TAFA5: variants seen among roughly 807,000 people sequenced by gnomAD.
The protein encoded by TAFA5 is TAFA chemokine like family member 5.
A neutral mutation model predicts 15.3 loss-of-function variants in TAFA5; 6 were observed. That is an observed-to-expected ratio of 0.39 (90% confidence interval 0.21 to 0.77). The LOEUF is 0.77. TAFA5 is among the 30% of genes least tolerant of loss of function. The pLI is 0.41. For missense variants in TAFA5, 161 were observed against 193.1 expected, an observed-to-expected ratio of 0.83 and a Z score of 0.98; for synonymous variants, 103 against 80.7, an observed-to-expected ratio of 1.28 and a Z score of -1.48.
chr22:48,734,605 C>A (rs767383833), intron 3 of TAFA5, among the ~76,000 whole-genome samples: 1 of 152,256 alleles, frequency 6.6e-6, no homozygotes. Context: ...ACCACTGTGA[C>A]CTGCCTCAGG....
intron 1 of TAFA5, among the ~76,000 whole-genome samples, chr22:48,520,976 C>T (rs144601805): frequency 1.3e-5 from 2 of 152,276 alleles, no homozygotes; most frequent in East Asian, 3.9e-4. Flanking sequence ...CTGGAAAAGC[C>T]CAGGTGGCTG....
chr22:48,697,340 GTGATGA>G (rs886418731), intron 2 of TAFA5, among the ~76,000 whole-genome samples: 1 of 147,854 alleles, frequency 6.8e-6, no homozygotes, highest in Non-Finnish European at 1.5e-5. Flanking sequence ...GGTGACAGTG[GTGATGA>G]TGATGATGAT....
At chr22:48,562,885 G>A (rs781169994) in intron 1 of TAFA5, among the ~76,000 whole-genome samples, 1 of 152,168 alleles carries the variant, frequency 6.6e-6, no homozygotes, top group Non-Finnish European at 1.5e-5. Context: ...TTGACAGCTC[G>A]GAGACCCTCT....
chr22:48,597,378 G>A (rs778163907), intron 1 of TAFA5, among the ~76,000 whole-genome samples: 26 of 144,028 alleles, frequency 1.8e-4, no homozygotes, highest in Admixed American at 1.3e-3. Context: ...CACCTGGCCC[G>A]CATCACCTGG....
chr22:48,681,490 C>CAAAAAA (rs33981971), intron 2 of TAFA5, among the ~76,000 whole-genome samples: 3 of 134,686 alleles, frequency 2.2e-5, no homozygotes, highest in Admixed American at 7.5e-5. Context: ...TAAAAAAATA[C>CAAAAAA]AAAAAAAAAA....
intron 1 of TAFA5, among the ~76,000 whole-genome samples, chr22:48,553,711 GCT>G (rs1285386560): frequency 1.3e-5 from 2 of 152,202 alleles, no homozygotes; most frequent in African/African-American, 4.8e-5. Flanking sequence ...GCCTCCCACG[GCT>G]CTCTCTCCGG....
chr22:48,679,715 C>T (rs1356515744), intron 2 of TAFA5, among the ~76,000 whole-genome samples: 1 of 125,794 alleles, frequency 7.9e-6, no homozygotes, highest in Non-Finnish European at 1.7e-5. Context: ...GTCCATCCCT[C>T]TCCCGGCTCC....
intron 1 of TAFA5, among the ~76,000 whole-genome samples, chr22:48,511,227 G>A (rs1921198478): frequency 6.6e-6 from 1 of 152,194 alleles, no homozygotes; most frequent in African/African-American, 2.4e-5. Flanking sequence ...AGAAGCCCAG[G>A]CCCTGGTCAC....
chr22:48,510,287 T>C (rs977578369), intron 1 of TAFA5, among the ~76,000 whole-genome samples: 7 of 152,132 alleles, frequency 4.6e-5, no homozygotes, highest in African/African-American at 1.7e-4. Flanking sequence ...TATTTGCGGG[T>C]TCTTCCTCCA....
chr22:48,490,458 G>C lies in TAFA5; in HGVS notation c.112+754G>C, dbSNP rs986612670. On this transcript the variant is annotated intron_variant, in intron 1 of 3. Transcript: ENST00000402357. The surrounding 1 kb of genome is among the most constrained non-coding windows in gnomAD (Gnocchi z 5.8). The stretch of plus-strand genomic sequence containing the variant: ...GGCTCCCTGTTGCCTGGAGTGAAGG[G>C]TGGGGGGTGGCCTGTGCCCCTGCCG... Among the ~76,000 whole-genome samples, 1 of 151,876 alleles carries C rather than the reference G, an allele frequency of 6.6e-6. No individual in the cohort carries two copies. Among genetic ancestry groups the C allele is most frequent in the African/African-American group, 2.4e-5 (1 of 41,368 alleles).
At chr22:48,524,829 G>T (rs187697964) in intron 1 of TAFA5, among the ~76,000 whole-genome samples, 20 of 152,254 alleles carry the variant, frequency 1.3e-4, no homozygotes, top group Middle Eastern at 3.4e-3. Context: ...GGGAAACGTG[G>T]AGTCTTCCTT....
At chr22:48,631,782 CG>C (rs1193318798) in intron 1 of TAFA5, among the ~76,000 whole-genome samples, 3 of 152,106 alleles carry the variant, frequency 2.0e-5, no homozygotes, top group African/African-American at 7.2e-5. Flanking sequence ...CTAGACATCG[CG>C]GAATGTAAAG....
chr22:48,595,111 G>A (rs1167825234), intron 1 of TAFA5, among the ~76,000 whole-genome samples: 1 of 152,142 alleles, frequency 6.6e-6, no homozygotes, highest in Non-Finnish European at 1.5e-5. Flanking sequence ...TTGGAATTAG[G>A]CCCCTGAGTG....
At chr22:48,579,291 C>T (rs1923942828) in intron 1 of TAFA5, among the ~76,000 whole-genome samples, 1 of 152,214 alleles carries the variant, frequency 6.6e-6, no homozygotes, top group Non-Finnish European at 1.5e-5. Context: ...AGCCACAGGC[C>T]CAGGAAGAAA....
Position 48,552,242 on chromosome 22 carries a change from A to G in TAFA5, c.112+62538A>G, listed in dbSNP as rs1922881996. 6.6e-6 allele frequency among the ~76,000 whole-genome samples: 1 copy of G among 152,138 alleles called. No homozygotes were observed. The highest frequency in any genetic ancestry group is 6.5e-5 in the Admixed American group (1 of 15,282). ...GGTCCACACTTGCCTCCTGTGGGCC[A>G]GCTGCCTTTGCTTGCTGGTGTCCTG... On this transcript the variant is annotated intron_variant, in intron 1 of 3. Coordinates refer to ENST00000402357, the MANE Select transcript of TAFA5 (RefSeq NM_001082967.3). The surrounding 1 kb of genome is among the most constrained non-coding windows in gnomAD (Gnocchi z 4.1).
At chr22:48,694,086 C>G (rs138463809) in intron 2 of TAFA5, among the ~76,000 whole-genome samples, 1 of 152,208 alleles carries the variant, frequency 6.6e-6, no homozygotes, top group African/African-American at 2.4e-5. Flanking sequence ...CCAGCATCAC[C>G]GCTTGTAAGC....
chr22:48,505,921 G>A lies in TAFA5; in HGVS notation c.112+16217G>A, dbSNP rs187243182. On this transcript the variant is annotated intron_variant, in intron 1 of 3. Coordinates refer to ENST00000402357, the MANE Select transcript of TAFA5 (RefSeq NM_001082967.3). ...GGGCATAAACTGGTCAGGCTGGCAC[G>A]GCGTGGTCCAAGGCCTCGGACCTAC... Among the ~76,000 whole-genome samples, 23 of 152,310 alleles carry A rather than the reference G, an allele frequency of 1.5e-4. No homozygotes were observed. In the East Asian group the frequency reaches 3.9e-3, roughly 26 times the overall value.
At chr22:48,561,398 T>C (rs942943464) in intron 1 of TAFA5, among the ~76,000 whole-genome samples, 2 of 152,138 alleles carry the variant, frequency 1.3e-5, no homozygotes, top group African/African-American at 4.8e-5. Flanking sequence ...TTCCAGGGTG[T>C]GCTGGGGCTG....
At chr22:48,712,593 G>A (rs1417560710) in intron 3 of TAFA5, among the ~76,000 whole-genome samples, 1 of 152,228 alleles carries the variant, frequency 6.6e-6, no homozygotes, top group African/African-American at 2.4e-5. Flanking sequence ...ATCCTGTGGG[G>A]ACTGGAGAGA....
Sources: allele counts gnomAD v4.1 joint callset (sites outside exome capture counted in the v4.1 genomes callset), GRCh38; gene constraint gnomAD v4.1.1; non-coding constraint Gnocchi (gnomAD v3.1); transcripts MANE v1.5; gene names NCBI Gene and HGNC (gene_info 2026-07-23, HGNC 2026-07-21).